The following CDH26 variants were observed in gnomAD, a reference collection of about 807,000 sequenced individuals.
CDH26 encodes the protein cadherin-like protein 26.
In CDH26, 83 loss-of-function variants were observed where a neutral mutation model predicts 90.3. That is an observed-to-expected ratio of 0.92 (90% CI 0.77 to 1.10). The LOEUF is 1.10. CDH26 is among the 50% of genes least tolerant of loss of function. CDH26 has a pLI of 0.00. For missense variants in CDH26, 1,013 were observed against 1,037.6 expected (o/e 0.98, Z 0.33); for synonymous variants, 397 against 396.3 (o/e 1.00, Z -0.02).
chr20:59,988,646 C>T (rs2061487292), intron 8 of CDH26, among the ~76,000 whole-genome samples: 1 of 152,080 alleles, frequency 6.6e-6, no homozygotes, highest in Non-Finnish European at 1.5e-5. Context: ...GTTTTTGTTG[C>T]ATTTTTCATT....
chr20:60,001,748 T>G (rs1410926341), intron 15 of CDH26, among the ~76,000 whole-genome samples: 1 of 152,226 alleles, frequency 6.6e-6, no homozygotes, highest in Non-Finnish European at 1.5e-5. Context: ...ACTTTGGCCC[T>G]GACTAAATTC....
chr20:59,987,307 A>C, intron 7 of CDH26, 146 bp from the exon 8 acceptor site: 1 of 636,638 alleles, frequency 1.6e-6, no homozygotes, highest in Non-Finnish European at 2.6e-6. Flanking sequence ...AGCATGAGGA[A>C]TATCCAGGGT....
At chr20:60,005,552 C>T (rs1453096049) in intron 16 of CDH26, among the ~76,000 whole-genome samples, 1 of 152,064 alleles carries the variant, frequency 6.6e-6, no homozygotes, top group African/African-American at 2.4e-5. Flanking sequence ...ATAATTGCCC[C>T]AGGCTTTATC....
At position 59,988,972 on chromosome 20, in the gene CDH26, C is replaced by T; in HGVS notation, c.1092C>T (p.Val364=). 2.5e-6 allele frequency: 4 copies of T among 1,614,134 alleles called. No individual in the cohort carries two copies. Among genetic ancestry groups the T allele is most frequent in the South Asian group, 1.1e-5 (1 of 91,088 alleles). ...IIVVENEERL[V]FCERGKLQPP... is the part of the protein sequence containing the mutation. The stretch of plus-strand genomic sequence containing the variant: ...TCGTGGAGAATGAGGAGAGGCTCGT[C>T]TTCTGTGAGAGAGGAAAGCTTCAGC... Residue 364 remains valine, a synonymous_variant, in exon 9 of 18, where the codon GTC becomes GTT. Coordinates refer to ENST00000348616, the MANE Select transcript of CDH26 (RefSeq NM_177980.4).
intron 12 of CDH26, 124 bp from the exon 13 acceptor site, chr20:59,996,507 A>G: frequency 3.7e-6 from 6 of 1,613,346 alleles, no homozygotes; most frequent in Non-Finnish European, 5.1e-6. Flanking sequence ...TACACAGATG[A>G]CTAAGACGCA....
intron 1 of CDH26, among the ~76,000 whole-genome samples, chr20:59,960,294 A>G (rs774235932): frequency 1.3e-5 from 2 of 152,080 alleles, no homozygotes; most frequent in Non-Finnish European, 2.9e-5. Context: ...TAGTAACTGA[A>G]TTTATCTGAG....
intron 1 of CDH26, among the ~76,000 whole-genome samples, chr20:59,959,987 T>C (rs769331681): frequency 1.6e-4 from 25 of 152,300 alleles, no homozygotes; most frequent in Admixed American, 1.5e-3. Flanking sequence ...ATTTCTTCCT[T>C]TGAATACCAG....
intron 16 of CDH26, among the ~76,000 whole-genome samples, chr20:60,005,458 A>G (rs886271244): frequency 6.6e-6 from 1 of 151,042 alleles, no homozygotes; most frequent in Admixed American, 6.6e-5. Context: ...GTTTGTCTGT[A>G]TATGTGCATG....
chr20:60,029,846 C>T (rs554356633), intron 7 of CDH26, among the ~76,000 whole-genome samples: 50 of 152,048 alleles, frequency 3.3e-4, no homozygotes, highest in African/African-American at 1.1e-3. Flanking sequence ...TAGTATTCCA[C>T]GGTGTATATG....
downstream of CDH26, among the ~76,000 whole-genome samples, chr20:60,019,491 A>G (rs948467334): frequency 5.3e-5 from 8 of 152,214 alleles, no homozygotes; most frequent in South Asian, 6.2e-4. Context: ...GAAACTCTCA[A>G]TTATATTGTT....
chr20:59,985,004 G>A lies in CDH26; in HGVS notation c.712G>A (p.Ala238Thr), dbSNP rs565753502. ...CTTTCCTTTTCCTCCCACATAGACC[G>A]CTCCTCAGTTTACACTGCTAATCAG... ...RLSGCLDYETAPQFTLLIRAR... is the reference protein window; with the variant it reads ...RLSGCLDYETTPQFTLLIRAR... The change falls in exon 7 of 18, where the codon GCT (alanine) becomes ACT (threonine). Residue 238 changes from alanine to threonine, a missense_variant. Transcript: ENST00000348616. 2.0e-5 allele frequency: 32 copies of A among 1,613,736 alleles called. No homozygotes were observed. In the East Asian group the frequency reaches 2.7e-4, roughly 13 times the overall value.
chr20:60,033,621 G>T, exon 9 of CDH26: 1 of 1,304,920 alleles, frequency 7.7e-7, no homozygotes, highest in East Asian at 5.5e-5. Flanking sequence ...TGTTTCCCAG[G>T]AGACTACAGA....
downstream of CDH26, among the ~76,000 whole-genome samples, chr20:60,019,049 C>T (rs60183393): frequency 0.038 from 5,834 of 152,166 alleles, 274 homozygotes; most frequent in African/African-American, 0.11. Context: ...CAATTCTCTC[C>T]TGGCTTGTAA....
At chr20:59,967,838 TTTC>T (rs1247715862) in intron 1 of CDH26, among the ~76,000 whole-genome samples, 11 of 89,856 alleles carry the variant, frequency 1.2e-4, no homozygotes, top group African/African-American at 7.1e-4. Context: ...TCTTTCTTTC[TTTC>T]TTTCTTTCTT....
At chr20:60,026,427 G>GA (rs2061998538) in intron 7 of CDH26, among the ~76,000 whole-genome samples, 20 of 116,882 alleles carry the variant, frequency 1.7e-4, no homozygotes, top group African/African-American at 5.9e-4. Context: ...AGAGAGAGAG[G>GA]GAGAAGAGGA....
chr20:60,031,068 A>T (rs923073146), intron 7 of CDH26, among the ~76,000 whole-genome samples: 2 of 152,200 alleles, frequency 1.3e-5, no homozygotes, highest in South Asian at 2.1e-4. Context: ...GGGGTGGGTT[A>T]TTCATGCTTC....
At chr20:60,027,889 A>G (rs555292861) in intron 7 of CDH26, among the ~76,000 whole-genome samples, 4 of 152,342 alleles carry the variant, frequency 2.6e-5, no homozygotes, top group South Asian at 2.1e-4. Flanking sequence ...GGTTGGAATA[A>G]TGATAGATTC....
intron 17 of CDH26, among the ~76,000 whole-genome samples, chr20:60,012,206 G>A (rs190233967): frequency 3.7e-4 from 57 of 152,186 alleles, no homozygotes; most frequent in Non-Finnish European, 6.9e-4. Flanking sequence ...GGTGTCCAGG[G>A]CACAGGACAG....
chr20:60,022,617 G>A (rs140491226), intron 7 of CDH26, among the ~76,000 whole-genome samples: 338 of 152,326 alleles, frequency 2.2e-3, no homozygotes, highest in African/African-American at 7.5e-3. Context: ...TGTGGCAGCC[G>A]TCAAGGATAT....
Sources: allele counts gnomAD v4.1 joint callset (sites outside exome capture counted in the v4.1 genomes callset), GRCh38; gene constraint gnomAD v4.1.1; transcripts MANE v1.5; gene names NCBI Gene and HGNC (gene_info 2026-07-23, HGNC 2026-07-21).